The following IQSEC1 variants were observed in gnomAD, a reference collection of about 807,000 sequenced individuals.
IQSEC1 encodes the protein IQ motif and SEC7 domain-containing protein 1.
In IQSEC1, 31 loss-of-function variants were observed where a neutral mutation model predicts 91.0. That is an observed-to-expected ratio of 0.34 (90% CI 0.26 to 0.46). The LOEUF (loss-of-function observed/expected upper bound fraction) is 0.46. Ranked by LOEUF, IQSEC1 falls within the 20% of genes least tolerant of loss-of-function variation. The pLI is 1.00. For missense variants in IQSEC1, 1,388 were observed against 1,575.6 expected (o/e 0.88, Z 2.02); for synonymous variants, 699 against 662.6 (o/e 1.05, Z -0.84).
At chr3:13,082,701 C>G (rs1057318865) in intron 2 of IQSEC1, among the ~76,000 whole-genome samples, 4 of 152,224 alleles carry the variant, frequency 2.6e-5, no homozygotes, top group Admixed American at 2.6e-4. Context: ...TCTATTTAAC[C>G]TGAAACCTGA....
At chr3:13,108,931 G>T (rs1452204895) in intron 2 of IQSEC1, among the ~76,000 whole-genome samples, 2 of 152,340 alleles carry the variant, frequency 1.3e-5, no homozygotes, top group African/African-American at 4.8e-5. Flanking sequence ...GGCAAATGCG[G>T]TAAACAGTGG....
chr3:12,997,277 A>C (rs1702260912), intron 1 of IQSEC1, among the ~76,000 whole-genome samples: 1 of 152,266 alleles, frequency 6.6e-6, no homozygotes, highest in African/African-American at 2.4e-5. Context: ...TTCCCAAAGG[A>C]CACAAATATG....
intron 1 of IQSEC1, 58 bp downstream of exon 1, chr3:13,072,934 G>A: frequency 3.4e-6 from 5 of 1,469,368 alleles, no homozygotes; most frequent in African/African-American, 1.4e-5. Context: ...CCAGCTCCCA[G>A]CTCAGCCGGG....
intron 1 of IQSEC1, among the ~76,000 whole-genome samples, chr3:12,993,130 G>A (rs1053493083): frequency 2.0e-5 from 3 of 152,156 alleles, no homozygotes; most frequent in Non-Finnish European, 4.4e-5. Flanking sequence ...GGGTCCAGAG[G>A]TCGCCAAGGC....
chr3:13,263,545 C>T (rs1353457656), intron 1 of IQSEC1, among the ~76,000 whole-genome samples: 2 of 151,806 alleles, frequency 1.3e-5, no homozygotes, highest in Non-Finnish European at 2.9e-5. Context: ...TGGGTTCAAG[C>T]GATTCTCTTG....
Position 13,073,171 on chromosome 3 carries a change from GAGGC to G in IQSEC1, c.-161_-158del. On this transcript the variant is annotated 5_prime_UTR_variant, in exon 1 of 14. Coordinates refer to ENST00000613206, the MANE Select transcript of IQSEC1 (RefSeq NM_001134382.3). ...CCCGGGGGTGGCGGGCTCCTCCAGGGAGGCTGGGGCGGGAGCGGGGGGCGGCGCC... is the reference window on the plus strand; with the variant it reads ...CCCGGGGGTGGCGGGCTCCTCCAGGGTGGGGCGGGAGCGGGGGGCGGCGCC... 1.3e-6 allele frequency: 1 copy of G among 754,150 alleles called. No homozygotes were observed. Among genetic ancestry groups the G allele is most frequent in the Non-Finnish European group, 2.2e-6 (1 of 462,510 alleles). The allele number at this position is 754,150 out of a possible 1,614,324, so 46.7% of individuals were successfully genotyped here.
At chr3:13,068,662 A>T (rs1303205587) in intron 1 of IQSEC1, among the ~76,000 whole-genome samples, 1 of 152,050 alleles carries the variant, frequency 6.6e-6, no homozygotes, top group East Asian at 1.9e-4. Context: ...CTCCAGCAAC[A>T]CCATCCTCCC....
chr3:13,196,905 G>A (rs934806893), intron 1 of IQSEC1, among the ~76,000 whole-genome samples: 2 of 152,066 alleles, frequency 1.3e-5, no homozygotes, highest in African/African-American at 4.8e-5. Flanking sequence ...GGGAGCAGGA[G>A]AGTCTGTGGG....
rs571720154 is a variant in IQSEC1, at chr3:12,924,055, C to G, written c.1730+526G>C. ...CCGGGAGAATGAGGCAGGGGCAGAGCGTGGCACGGGCCGCCCACGGGGAGG... is the reference window on the plus strand; with the variant it reads ...CCGGGAGAATGAGGCAGGGGCAGAGGGTGGCACGGGCCGCCCACGGGGAGG... On this transcript the variant is annotated intron_variant, in intron 4 of 13. Coordinates refer to ENST00000613206, the MANE Select transcript of IQSEC1 (RefSeq NM_001134382.3). This position sits in a 1 kb window ranked among gnomAD's most constrained non-coding sequence, Gnocchi z 6.3. 6.6e-6 allele frequency among the ~76,000 whole-genome samples: 1 copy of G among 152,116 alleles called. No homozygotes were observed. The highest frequency in any genetic ancestry group is 1.5e-5 in the Non-Finnish European group (1 of 68,020).
At chr3:12,915,239 G>T in intron 7 of IQSEC1, 106 bp from the exon 8 acceptor site, 2 of 1,249,990 alleles carry the variant, frequency 1.6e-6, no homozygotes, top group Non-Finnish European at 2.3e-6. Flanking sequence ...GATCCACCCA[G>T]CCAGTATGTG....
At chr3:13,056,546 G>A (rs1425713683) in intron 1 of IQSEC1, among the ~76,000 whole-genome samples, 2 of 152,078 alleles carry the variant, frequency 1.3e-5, no homozygotes, top group African/African-American at 2.4e-5. Flanking sequence ...GGCTCAGAAA[G>A]GTGGAGACCT....
At chr3:12,962,206 C>T (rs548628235) in intron 1 of IQSEC1, among the ~76,000 whole-genome samples, 3 of 152,134 alleles carry the variant, frequency 2.0e-5, no homozygotes, top group Non-Finnish European at 4.4e-5. Flanking sequence ...TTAAGGGCAG[C>T]CAGAATAAGG....
At chr3:12,959,377 C>T (rs1000122010) in intron 1 of IQSEC1, among the ~76,000 whole-genome samples, 3 of 152,162 alleles carry the variant, frequency 2.0e-5, no homozygotes, top group Non-Finnish European at 2.9e-5. Context: ...ACCCCCAATC[C>T]GATGAGAGAG....
intron 2 of IQSEC1, among the ~76,000 whole-genome samples, chr3:13,136,212 C>T (rs979035215): frequency 1.3e-5 from 2 of 152,198 alleles, no homozygotes; most frequent in African/African-American, 4.8e-5. Flanking sequence ...AAGGCTTCTC[C>T]GGCTGAGACT....
At chr3:13,091,754 G>A (rs1353725746) in intron 2 of IQSEC1, among the ~76,000 whole-genome samples, 1 of 152,216 alleles carries the variant, frequency 6.6e-6, no homozygotes, top group African/African-American at 2.4e-5. Flanking sequence ...AAACTGAGAG[G>A]TGCCTGAAGC....
At chr3:13,279,497 C>T (rs1433970692) in intron 1 of IQSEC1, among the ~76,000 whole-genome samples, 1 of 152,240 alleles carries the variant, frequency 6.6e-6, no homozygotes, top group African/African-American at 2.4e-5. Flanking sequence ...GGTTTCTGGA[C>T]TTGTACACTT....
At position 13,238,681 on chromosome 3, in the gene IQSEC1, G is replaced by A. The variant is rs114018999; in HGVS notation, c.272+44030C>T. ...GAGGGGTCAGCAACCTGGGCGCTGG[G>A]CCATCCTCTGCTCCCTGCCGTGCCA... On this transcript the variant is annotated intron_variant, in intron 1 of 15. Transcript: ENST00000648114. Among the ~76,000 whole-genome samples, 263 of 152,268 alleles carry A rather than the reference G, an allele frequency of 1.7e-3. 1 individual carries two copies. The highest frequency in any genetic ancestry group is 6.0e-3 in the African/African-American group (249 of 41,560).
chr3:13,090,086 C>T (rs956328070), intron 2 of IQSEC1, among the ~76,000 whole-genome samples: 120 of 151,622 alleles, frequency 7.9e-4, no homozygotes, highest in African/African-American at 2.3e-3. Flanking sequence ...GGTGTGGTGG[C>T]GTGCACCTGT....
At chr3:13,136,370 T>C (rs1387765736) in intron 2 of IQSEC1, among the ~76,000 whole-genome samples, 1 of 152,128 alleles carries the variant, frequency 6.6e-6, no homozygotes, top group Non-Finnish European at 1.5e-5. Context: ...TCTTTCCAAA[T>C]TGGGGCCGGG....
Sources: allele counts gnomAD v4.1 joint callset (sites outside exome capture counted in the v4.1 genomes callset), GRCh38; gene constraint gnomAD v4.1.1; non-coding constraint Gnocchi (gnomAD v3.1); transcripts MANE v1.5; gene names NCBI Gene and HGNC (gene_info 2026-07-23, HGNC 2026-07-21).